Variants in RXFP1 observed in about 807,000 individuals in gnomAD.
RXFP1 encodes relaxin receptor 1.
Under a neutral mutation model 89.8 loss-of-function variants are expected in RXFP1, and 73 were observed. The observed-to-expected ratio is 0.81, with a 90% confidence interval of 0.67 to 0.99. The LOEUF (loss-of-function observed/expected upper bound fraction) is 0.99, where lower values mean the gene tolerates loss of function less well. RXFP1 is among the 50% of genes least tolerant of loss of function. The pLI, the probability that RXFP1 is intolerant of heterozygous loss-of-function variation, is 0.00. For missense variants in RXFP1, 793 were observed against 895.5 expected (o/e 0.89, Z 1.46); for synonymous variants, 277 against 305.5 (o/e 0.91, Z 0.97).
At chr4:158,560,980 C>A (rs1752321420) in intron 1 of RXFP1, among the ~76,000 whole-genome samples, 1 of 152,152 alleles carries the variant, frequency 6.6e-6, no homozygotes, top group East Asian at 1.9e-4. Flanking sequence ...AACAAACGAA[C>A]AGTGTTTATT....
At chr4:158,570,340 T>C (rs891780624) in intron 1 of RXFP1, among the ~76,000 whole-genome samples, 22 of 152,080 alleles carry the variant, frequency 1.4e-4, no homozygotes, top group Admixed American at 4.6e-4. Context: ...AGTTTGAAAG[T>C]GTTGAAGTGA....
At chr4:158,599,225 A>G (rs1761214716) in intron 3 of RXFP1, 101 bp from the exon 4 acceptor site, 2 of 1,563,840 alleles carry the variant, frequency 1.3e-6, no homozygotes, top group Non-Finnish European at 8.7e-7. Flanking sequence ...ATGCTTTTGT[A>G]CTAAATGATT....
At chr4:158,554,835 G>GCTTC (rs1750931880) in intron 1 of RXFP1, among the ~76,000 whole-genome samples, 1 of 152,070 alleles carries the variant, frequency 6.6e-6, no homozygotes, top group South Asian at 2.1e-4. Flanking sequence ...TCATAGCTGT[G>GCTTC]CGGAAACATT....
At chr4:158,528,220 C>CG (rs917107496) in intron 1 of RXFP1, among the ~76,000 whole-genome samples, 2 of 152,102 alleles carry the variant, frequency 1.3e-5, no homozygotes, top group Middle Eastern at 3.4e-3. Context: ...TAGAGTAAGG[C>CG]GGGGGGCAGT....
At chr4:158,579,038 G>T (rs953891162) in intron 2 of RXFP1, among the ~76,000 whole-genome samples, 4 of 148,304 alleles carry the variant, frequency 2.7e-5, no homozygotes, top group South Asian at 4.5e-4. Context: ...CAGTGTCCTC[G>T]CAAGAGACAG....
At chr4:158,622,167 C>T (rs1377741430) in intron 9 of RXFP1, among the ~76,000 whole-genome samples, 1 of 151,998 alleles carries the variant, frequency 6.6e-6, no homozygotes, top group African/African-American at 2.4e-5. Flanking sequence ...GAAAATTAGC[C>T]GGGCATGGTG....
chr4:158,607,984 C>A lies in RXFP1; in HGVS notation c.477C>A (p.Asn159Lys). 6.2e-7 allele frequency: 1 copy of A among 1,602,870 alleles called. No homozygotes were observed. The highest frequency in any genetic ancestry group is 8.5e-7 in the Non-Finnish European group (1 of 1,172,734). Residue 159 changes from asparagine to lysine, a missense_variant, in exon 6 of 18, where the codon AAC becomes AAA. Transcript: ENST00000307765. ...ATCATTTTCACAGGTACCTGCAAAA[C>A]AATAAGATTACATCCATCTCCATCT... ...YHDLQKLYLQ[N>K]NKITSISIYA...
chr4:158,555,606 C>T (rs1457089890), intron 1 of RXFP1, among the ~76,000 whole-genome samples: 2 of 152,168 alleles, frequency 1.3e-5, no homozygotes, highest in African/African-American at 2.4e-5. Context: ...GCATACAATG[C>T]ACACAATTTT....
intron 3 of RXFP1, among the ~76,000 whole-genome samples, chr4:158,593,759 G>C (rs1335508435): frequency 1.3e-5 from 2 of 152,158 alleles, no homozygotes; most frequent in African/African-American, 4.8e-5. Flanking sequence ...GTCAGATATT[G>C]TTATGAACAG....
intron 3 of RXFP1, among the ~76,000 whole-genome samples, chr4:158,598,341 C>A (rs535394514): frequency 6.6e-6 from 1 of 152,222 alleles, no homozygotes; most frequent in African/African-American, 2.4e-5. Context: ...AATATGGCAA[C>A]AGATGAGAGA....
At chr4:158,568,469 A>C (rs1030871166) in intron 1 of RXFP1, among the ~76,000 whole-genome samples, 1 of 152,250 alleles carries the variant, frequency 6.6e-6, no homozygotes, top group Admixed American at 6.5e-5. Flanking sequence ...AATTCATTAA[A>C]GAATTTTTCT....
At chr4:158,523,214 C>T (rs1252939624) in intron 1 of RXFP1, among the ~76,000 whole-genome samples, 1 of 152,160 alleles carries the variant, frequency 6.6e-6, no homozygotes, top group Non-Finnish European at 1.5e-5. Flanking sequence ...CATGTTTAAA[C>T]TACCAGAGCT....
intron 5 of RXFP1, chr4:158,607,004 T>G: frequency 2.2e-6 from 3 of 1,361,288 alleles, no homozygotes; most frequent in Admixed American, 3.9e-5. Context: ...GATTTCTTTC[T>G]TATTGCTCCT....
chr4:158,536,078 G>A (rs1044012529), intron 1 of RXFP1, among the ~76,000 whole-genome samples: 6 of 152,154 alleles, frequency 3.9e-5, no homozygotes, highest in Non-Finnish European at 5.9e-5. Flanking sequence ...CATACAATCT[G>A]TACTCTTTAA....
intron 4 of RXFP1, among the ~76,000 whole-genome samples, chr4:158,601,955 TCTAATA>T (rs1356376161): frequency 1.3e-5 from 2 of 152,218 alleles, no homozygotes; most frequent in East Asian, 3.8e-4. Context: ...AACTATATGA[TCTAATA>T]CTAAGAACTT....
At chr4:158,562,195 A>C (rs1441712114) in intron 1 of RXFP1, among the ~76,000 whole-genome samples, 3 of 152,146 alleles carry the variant, frequency 2.0e-5, no homozygotes, top group Non-Finnish European at 4.4e-5. Flanking sequence ...TCACATTAAA[A>C]TATAATGCCA....
intron 1 of RXFP1, among the ~76,000 whole-genome samples, chr4:158,556,480 G>A (rs898962617): frequency 4.6e-5 from 7 of 152,082 alleles, no homozygotes; most frequent in African/African-American, 1.7e-4. Context: ...GGAAATTAGT[G>A]CAGCCATTAT....
In RXFP1 at chr4:158,652,806, G is replaced by C. The variant is rs868430211; in HGVS notation, c.*751G>C. On this transcript the variant is annotated 3_prime_UTR_variant, in exon 18 of 18. Coordinates refer to ENST00000307765, the MANE Select transcript of RXFP1 (RefSeq NM_021634.4). The stretch of plus-strand genomic sequence containing the variant: ...AGTGGATCAGAAAAACTAGAATGAG[G>C]ATAAACATTTACATTAGTGGAAACT... 15 of 152,294 alleles carry C rather than the reference G, an allele frequency of 9.8e-5. No individual in the cohort carries two copies. The highest frequency in any genetic ancestry group is 3.4e-4 in the African/African-American group (14 of 41,568). The allele number at this position is 152,294 out of a possible 1,614,324, so 9.4% of individuals were successfully genotyped here.
intron 13 of RXFP1, 48 bp from the exon 14 acceptor site, chr4:158,639,212 A>G (rs1478081289): frequency 5.8e-6 from 6 of 1,029,080 alleles, no homozygotes; most frequent in Non-Finnish European, 9.1e-6. Flanking sequence ...TTATTAAACC[A>G]TGTATAATAC....
Sources: allele counts gnomAD v4.1 joint callset (sites outside exome capture counted in the v4.1 genomes callset), GRCh38; gene constraint gnomAD v4.1.1; transcripts MANE v1.5; gene names NCBI Gene and HGNC (gene_info 2026-07-23, HGNC 2026-07-21).